MYH7: variants seen among roughly 807,000 people sequenced by gnomAD.
MYH7 encodes myosin-7.
MYH7 carries 129 observed loss-of-function variants against 225.4 expected under a neutral mutation model. The observed-to-expected ratio is 0.57, with a 90% CI of 0.50 to 0.66. The LOEUF is 0.66. Ranked by LOEUF, MYH7 falls within the 30% of genes least tolerant of loss-of-function variation. The pLI, the probability that MYH7 is intolerant of heterozygous loss-of-function variation, is 0.00. For synonymous variants in MYH7, 971 were observed against 1,007.6 expected (o/e 0.96, Z 0.69); for missense variants, 1,649 against 2,517.0 (o/e 0.66, Z 7.38).
chr14:23,414,135 T>TA (rs754553717), intron 37 of MYH7, 33 bp from the exon 38 acceptor site: 2 of 1,591,198 alleles, frequency 1.3e-6, no homozygotes, highest in African/African-American at 2.7e-5. Context: ...GGGGTGAAGA[T>TA]GGCACAGTCA....
chr14:23,432,586 C>T, intron 5 of MYH7, 53 bp downstream of exon 5: 1 of 1,614,182 alleles, frequency 6.2e-7, no homozygotes, highest in Non-Finnish European at 8.5e-7. Context: ...TTCTCCCTCT[C>T]CCTCCCGGCC....
chr14:23,430,779 T>A (rs901471851), intron 10 of MYH7, 116 bp from the exon 11 acceptor site: 1 of 1,267,562 alleles, frequency 7.9e-7, no homozygotes, highest in Non-Finnish European at 1.2e-6. Flanking sequence ...TGGCCCCACA[T>A]CCCACTGAAT....
intron 1 of MYH7, among the ~76,000 whole-genome samples, chr14:23,434,992 A>C (rs1893086915): frequency 6.6e-6 from 1 of 151,280 alleles, no homozygotes; most frequent in Non-Finnish European, 1.5e-5. Flanking sequence ...TGCACATTTC[A>C]GGATGTGTGC....
At position 23,429,304 on chromosome 14, in the gene MYH7, G is replaced by A; in HGVS notation, c.1182C>T (p.Asp394=). The change falls in exon 13 of 40, where the codon GAC becomes GAT. Residue 394 remains aspartate (D), a synonymous_variant. Coordinates refer to ENST00000355349, the MANE Select transcript of MYH7 (RefSeq NM_000257.4). ...GAGGGTGGCACAGCCCCTTGAGCAG[G>A]TCGGCTGAGTTCAGCCCCATGAGGT... ...SAYLMGLNSA[D]LLKGLCHPRV... is the part of the protein sequence containing the mutation. The A allele has an allele frequency of 6.2e-7, 1 of 1,614,232 alleles. No individual in the cohort carries two copies. The highest frequency in any genetic ancestry group is 8.5e-7 in the Non-Finnish European group (1 of 1,180,050).
Position 23,417,690 on chromosome 14 carries a change from C to G in MYH7, c.4170-4G>C. The G allele has an allele frequency of 1.2e-6, 2 of 1,612,620 alleles. No homozygotes were observed. Among genetic ancestry groups the G allele is most frequent in the Non-Finnish European group, 1.7e-6 (2 of 1,179,986 alleles). On this transcript the variant is annotated splice_region_variant and splice_polypyrimidine_tract_variant and intron_variant, in intron 30 of 39. Coordinates refer to ENST00000355349, the MANE Select transcript of MYH7 (RefSeq NM_000257.4). ...CAGCCGCTGGGCCAGCTTCTTCCTG[C>G]CCAGGGGAGGGTGGCAGAGGGTGGG...
intron 33 of MYH7, 105 bp from the exon 34 acceptor site, chr14:23,416,417 T>C (rs1892215091): frequency 7.0e-6 from 9 of 1,280,264 alleles, no homozygotes; most frequent in Admixed American, 2.2e-5. Flanking sequence ...AAGAGTGGTG[T>C]AAGTGGTTCA....
chr14:23,433,782 C>A lies in MYH7; in HGVS notation c.-8-42G>T, dbSNP rs1893048611. ...CTGGCTGCCCTCCCATCTGCCCATTCTTCCCTTCCCTCCCTGGGCTCTCCC... is the reference window on the plus strand; with the variant it reads ...CTGGCTGCCCTCCCATCTGCCCATTATTCCCTTCCCTCCCTGGGCTCTCCC... On this transcript the variant is annotated intron_variant, in intron 2 of 39. Transcript: ENST00000355349. The surrounding 1 kb of genome is among the most constrained non-coding windows in gnomAD (Gnocchi z 4.1). 4 of 1,592,960 alleles carry A rather than the reference C, an allele frequency of 2.5e-6. No homozygotes were observed. The highest frequency in any genetic ancestry group is 2.1e-4 in the Middle Eastern group (1 of 4,816).
At position 23,425,090 on chromosome 14, in the gene MYH7, T is replaced by C. The variant is rs1355654589; in HGVS notation, c.2424-66A>G. ...CCTTCCTACCTGAGGTCCTGAAACC[T>C]TGGGAATATCCCATTTCCTTCATCC... is the stretch of plus-strand genomic sequence containing the variant. On this transcript the variant is annotated intron_variant, in intron 21 of 39. Coordinates refer to ENST00000355349, the MANE Select transcript of MYH7 (RefSeq NM_000257.4). The surrounding 1 kb of genome is among the most constrained non-coding windows in gnomAD (Gnocchi z 4.6). The C allele has an allele frequency of 4.3e-6, 7 of 1,612,980 alleles. No homozygotes were observed. The African/African-American group carries it at 5.3e-5, about 12-fold the overall frequency.
rs1248265418 is a variant in MYH7, at chr14:23,412,838, T to C, written c.*16A>G. ...GCTGGCACCTCCAGGGCTGAGCAGA[T>C]CAAGATGTGGCAAAGCTACTCCTCA... On this transcript the variant is annotated 3_prime_UTR_variant, in exon 40 of 40. Coordinates refer to ENST00000355349, the MANE Select transcript of MYH7 (RefSeq NM_000257.4). 6.2e-7 allele frequency: 1 copy of C among 1,613,884 alleles called. No homozygotes were observed. The highest frequency in any genetic ancestry group is 8.5e-7 in the Non-Finnish European group (1 of 1,179,934).
chr14:23,418,477 C>G, intron 29 of MYH7, 71 bp from the exon 30 acceptor site: 1 of 1,492,746 alleles, frequency 6.7e-7, no homozygotes, highest in Non-Finnish European at 8.9e-7. Context: ...TGCCCTTCTC[C>G]TCACCCCAAT....
chr14:23,419,512 C>G lies in MYH7; in HGVS notation c.3824G>C (p.Ser1275Thr), dbSNP rs1431426557. ...CTCGGTTTGCAACTTGGCCCGCTGG[C>G]TGGTGAGGTCGTTGACAGAACGCTG... The part of the protein sequence containing the change: ...ETQRSVNDLT[S>T]QRAKLQTENG... Residue 1275 changes from serine (S) to threonine (T), a missense_variant, in exon 28 of 40, where the codon AGC becomes ACC. Physicochemically the swap from Ser to Thr is moderately conservative, Grantham distance 58. This residue lies in a region of MYH7 where 687 missense variants were observed against 913.8 expected (regional missense o/e 0.75). Transcript: ENST00000355349. The G allele has an allele frequency of 6.2e-7, 1 of 1,614,120 alleles. No individual in the cohort carries two copies. The highest frequency in any genetic ancestry group is 8.5e-7 in the Non-Finnish European group (1 of 1,180,040).
intron 18 of MYH7, 121 bp downstream of exon 18, chr14:23,426,656 T>G (rs1892704138): frequency 1.1e-6 from 1 of 891,290 alleles, no homozygotes; most frequent in Non-Finnish European, 1.9e-6. Flanking sequence ...TCATGCGGGA[T>G]GGGAGGAGAA....
At chr14:23,431,367 T>C in intron 9 of MYH7, 51 bp downstream of exon 9, 1 of 1,573,102 alleles carries the variant, frequency 6.4e-7, no homozygotes, top group South Asian at 1.1e-5. Context: ...GACCAGATGG[T>C]CTAGAGCAAG....
chr14:23,422,315 G>A lies in MYH7; in HGVS notation c.3110C>T (p.Ser1037Phe). 6.2e-7 allele frequency: 1 copy of A among 1,614,170 alleles called. No homozygotes were observed. Among genetic ancestry groups the A allele is most frequent in the Non-Finnish European group, 8.5e-7 (1 of 1,180,044 alleles). The change falls in exon 25 of 40, where the codon TCC becomes TTC. Residue 1037 changes from serine to phenylalanine, a missense_variant. Around this residue, in one of 12 missense-constraint regions of MYH7, gnomAD observed 282 missense variants for 315.3 expected, o/e 0.89. Coordinates refer to ENST00000355349, the MANE Select transcript of MYH7 (RefSeq NM_000257.4). Reference protein sequence around the residue: ...LEQQVDDLEGSLEQEKKVRMD... With the variant: ...LEQQVDDLEGFLEQEKKVRMD... ...GCGCACCTTCTTCTCTTGCTCCAGG[G>A]ATCCTTCCAGCTGGTAGAGAGAAGG...
In MYH7 at chr14:23,425,204, G is replaced by C; in HGVS notation, c.2423+78C>G. 1 of 1,612,220 alleles carries C rather than the reference G, an allele frequency of 6.2e-7. No individual in the cohort carries two copies. Among genetic ancestry groups the C allele is most frequent in the Non-Finnish European group, 8.5e-7 (1 of 1,178,762 alleles). The stretch of plus-strand genomic sequence containing the variant: ...AGGTCTCTGTGTTTGAAGATCTGCT[G>C]AGCTTTTTTTCCTGACACTGCCCCT... On this transcript the variant is annotated intron_variant, in intron 21 of 39. Coordinates refer to ENST00000355349, the MANE Select transcript of MYH7 (RefSeq NM_000257.4). The surrounding 1 kb of genome is among the most constrained non-coding windows in gnomAD (Gnocchi z 4.6).
rs370218563 is a variant in MYH7, at chr14:23,425,852, C to T, written c.2163-34G>A. ...GGAAGTGTCCAGAGTCACCCATGCTCTGCAGTGATCTGCTCTGCCCATAGA... is the reference window on the plus strand; with the variant it reads ...GGAAGTGTCCAGAGTCACCCATGCTTTGCAGTGATCTGCTCTGCCCATAGA... On this transcript the variant is annotated intron_variant, in intron 19 of 39. Transcript: ENST00000355349. The surrounding 1 kb of genome is among the most constrained non-coding windows in gnomAD (Gnocchi z 4.6). 1 of 1,613,570 alleles carries T rather than the reference C, an allele frequency of 6.2e-7. No individual in the cohort carries two copies. The highest frequency in any genetic ancestry group is 8.5e-7 in the Non-Finnish European group (1 of 1,179,932).
chr14:23,435,273 C>A (rs116526240), intron 1 of MYH7, among the ~76,000 whole-genome samples: 3 of 152,010 alleles, frequency 2.0e-5, no homozygotes, highest in Non-Finnish European at 4.4e-5. Flanking sequence ...CGTTCACAGA[C>A]GTGATCATAC....
Position 23,413,786 on chromosome 14 carries a change from C to T in MYH7, c.5763G>A (p.Arg1921=), listed in dbSNP as rs1366690349. Residue 1921 remains arginine (R), a synonymous_variant, in exon 39 of 40, where the codon CGG becomes CGA. Transcript: ENST00000355349. ...DIAESQVNKL[R]AKSRDIGTKG... ...TCGTGCCAATGTCACGGCTCTTGGC[C>T]CGCAGCTTGTTGACCTGGGACTCGG... 6.2e-6 allele frequency: 10 copies of T among 1,614,114 alleles called. No individual in the cohort carries two copies. Among genetic ancestry groups the T allele is most frequent in the Non-Finnish European group, 8.5e-6 (10 of 1,180,060 alleles).
At chr14:23,413,473 G>A (rs540266122) in intron 39 of MYH7, among the ~76,000 whole-genome samples, 2 of 152,232 alleles carry the variant, frequency 1.3e-5, no homozygotes, top group East Asian at 3.9e-4. Flanking sequence ...CTACTTGGGA[G>A]GCTGAGGCAG....
Sources: gnomAD v4.1 joint callset for allele counts (sites outside exome capture counted in the v4.1 genomes callset) on GRCh38, gnomAD v4.1.1 for gene constraint, gnomAD v4.1.1 regional missense constraint, Gnocchi (gnomAD v3.1) non-coding constraint, MANE v1.5 for transcripts, NCBI Gene and HGNC (gene_info 2026-07-23, HGNC 2026-07-21) for gene names.